PPM1H: variants seen among roughly 807,000 people sequenced by gnomAD.
The protein encoded by PPM1H is protein phosphatase 1H.
In PPM1H, 27 loss-of-function variants were observed where a neutral mutation model predicts 54.9. The ratio of observed to expected loss-of-function variants is 0.49; its 90% CI spans 0.36 to 0.68. The LOEUF is 0.68. PPM1H is among the 30% of genes least tolerant of loss of function. PPM1H has a pLI of 0.00. For synonymous variants in PPM1H, 305 were observed against 270.8 expected, an observed-to-expected ratio of 1.13 and a Z score of -1.24; for missense variants, 596 against 667.8, an observed-to-expected ratio of 0.89 and a Z score of 1.19.
At chr12:62,848,133 A>C (rs180941512) in intron 1 of PPM1H, among the ~76,000 whole-genome samples, 38 of 152,364 alleles carry the variant, frequency 2.5e-4, no homozygotes. Context: ...TTACATTTCT[A>C]AATTGCATAT....
chr12:62,839,769 C>T (rs1389615756), intron 1 of PPM1H, among the ~76,000 whole-genome samples: 1 of 151,440 alleles, frequency 6.6e-6, no homozygotes, highest in Non-Finnish European at 1.5e-5. Flanking sequence ...CACAAAATAC[C>T]ACTCATTGTT....
chr12:62,838,790 G>A (rs966843898), intron 1 of PPM1H, among the ~76,000 whole-genome samples: 1 of 132,194 alleles, frequency 7.6e-6, no homozygotes, highest in South Asian at 2.5e-4. Context: ...GCGTAGTGGC[G>A]GGCGCCTGTA....
In PPM1H at chr12:62,644,356, G is replaced by A. The variant is rs573726756; in HGVS notation, c.*4133C>T. The A allele has an allele frequency of 2.2e-4, 33 of 152,214 alleles. No homozygotes were observed. Among genetic ancestry groups the A allele is most frequent in the African/African-American group, 7.7e-4 (32 of 41,512 alleles). 9.4% of individuals were successfully genotyped at this position (152,214 alleles called of 1,614,324 possible). ...AACAGGAGTAAAATAATAACCTCAG[G>A]ACTCAGGAAACAAACACAAAATACT... On this transcript the variant is annotated 3_prime_UTR_variant, in exon 10 of 10. Coordinates refer to ENST00000228705, the MANE Select transcript of PPM1H (RefSeq NM_020700.2).
At chr12:62,866,720 C>A (rs771029808) in intron 1 of PPM1H, among the ~76,000 whole-genome samples, 1 of 152,062 alleles carries the variant, frequency 6.6e-6, no homozygotes, top group African/African-American at 2.4e-5. Context: ...CCAGATAAGC[C>A]GCTCCCAGAT....
At chr12:62,780,057 G>T (rs1183354378) in intron 4 of PPM1H, among the ~76,000 whole-genome samples, 3 of 152,166 alleles carry the variant, frequency 2.0e-5, no homozygotes, top group Admixed American at 6.5e-5. Context: ...TAGGATTAAT[G>T]AGGTTATTTA....
intron 1 of PPM1H, among the ~76,000 whole-genome samples, chr12:62,859,782 A>G (rs994682123): frequency 5.3e-5 from 8 of 152,184 alleles, no homozygotes; most frequent in Non-Finnish European, 1.0e-4. Flanking sequence ...CCTGCCTTGA[A>G]AAAACCTAAG....
At chr12:62,921,132 C>G (rs1871786029) in intron 1 of PPM1H, among the ~76,000 whole-genome samples, 1 of 152,080 alleles carries the variant, frequency 6.6e-6, no homozygotes, top group African/African-American at 2.4e-5. Context: ...GCCATGTTGG[C>G]CAGGCTGGTC....
At chr12:62,744,993 G>A (rs1340470589) in intron 4 of PPM1H, among the ~76,000 whole-genome samples, 2 of 152,132 alleles carry the variant, frequency 1.3e-5, no homozygotes, top group Admixed American at 6.5e-5. Flanking sequence ...GCCGTCCTAT[G>A]GGGAAAAATG....
At chr12:62,803,259 G>A (rs2076783189) in intron 2 of PPM1H, among the ~76,000 whole-genome samples, 1 of 152,122 alleles carries the variant, frequency 6.6e-6, no homozygotes, top group African/African-American at 2.4e-5. Context: ...TTTAGTGGCT[G>A]CTGGTGGATT....
At chr12:62,730,078 GAAC>G (rs928382074) in intron 5 of PPM1H, among the ~76,000 whole-genome samples, 3 of 152,120 alleles carry the variant, frequency 2.0e-5, no homozygotes, top group African/African-American at 4.8e-5. Context: ...GCCCGCCAGA[GAAC>G]AACCCCCCTT....
At chr12:62,771,087 C>CACACACACACAA (rs1322050931) in intron 4 of PPM1H, among the ~76,000 whole-genome samples, 1 of 134,040 alleles carries the variant, frequency 7.5e-6, no homozygotes, top group Non-Finnish European at 1.6e-5. Context: ...CACACACACA[C>CACACACACACAA]AACTGTGTTT....
chr12:62,699,440 C>T (rs1444556657), intron 6 of PPM1H, among the ~76,000 whole-genome samples: 5 of 152,222 alleles, frequency 3.3e-5, no homozygotes, highest in East Asian at 3.9e-4. Flanking sequence ...TCAGGTCATA[C>T]GCCTGCCTTG....
intron 1 of PPM1H, among the ~76,000 whole-genome samples, chr12:62,850,536 A>C (rs990900380): frequency 4.0e-5 from 6 of 151,510 alleles, no homozygotes; most frequent in African/African-American, 1.5e-4. Flanking sequence ...CAAAAATCTA[A>C]AGAGGAAAAC....
rs78008235 is a variant in PPM1H at position 62,726,842 on chromosome 12, G to A, written c.955-6553C>T. ...TGAGTCTTCAAAATGATTTTACTTT[G>A]GATTTACCATAAGCAATAAGCCCAA... is the stretch of plus-strand genomic sequence containing the variant. On this transcript the variant is annotated intron_variant, in intron 5 of 9. Coordinates refer to ENST00000228705, the MANE Select transcript of PPM1H (RefSeq NM_020700.2). Among the ~76,000 whole-genome samples, 1,455 of 152,224 alleles carry A rather than the reference G, an allele frequency of 9.6e-3. 13 individuals carry two copies. Among genetic ancestry groups the A allele is most frequent in the Middle Eastern group, 0.041 (12 of 294 alleles).
chr12:62,801,768 G>A (rs202036620), intron 3 of PPM1H, 48 bp downstream of exon 3: 103 of 1,593,370 alleles, frequency 6.5e-5, no homozygotes, highest in Non-Finnish European at 8.2e-5. Flanking sequence ...CAGACCTGGC[G>A]CAGGCGCCAG....
At chr12:62,676,043 T>C (rs1292057934) in intron 8 of PPM1H, among the ~76,000 whole-genome samples, 1 of 152,220 alleles carries the variant, frequency 6.6e-6, no homozygotes, top group Non-Finnish European at 1.5e-5. Flanking sequence ...CTGGGGTTTT[T>C]ACAGGCTTCA....
chr12:62,671,194 T>C (rs1016590164), intron 8 of PPM1H, among the ~76,000 whole-genome samples: 1 of 152,106 alleles, frequency 6.6e-6, no homozygotes, highest in Non-Finnish European at 1.5e-5. Context: ...ATCAAACTAA[T>C]GGGCTCTGAA....
chr12:62,908,838 A>G (rs902699905), intron 1 of PPM1H, among the ~76,000 whole-genome samples: 8 of 152,216 alleles, frequency 5.3e-5, no homozygotes, highest in African/African-American at 9.7e-5. Context: ...ATTTTCCCTT[A>G]TCTATTTAAT....
rs116885209 is a variant in PPM1H, at chr12:62,648,657, C to T, written c.1398-21G>A. 2,340 of 1,612,370 alleles carry T rather than the reference C, an allele frequency of 1.5e-3. 44 individuals carry two copies. In the East Asian group the frequency reaches 0.043, roughly 30 times the overall value. ...TGTACCTACACAGGAGAACCAGGAA[C>T]GAGACAGTCAGTAGAGCATCAGACA... On this transcript the variant is annotated intron_variant, in intron 9 of 9. Transcript: ENST00000228705.
Sources: gnomAD v4.1 joint callset for allele counts (sites outside exome capture counted in the v4.1 genomes callset) on GRCh38, gnomAD v4.1.1 for gene constraint, MANE v1.5 for transcripts, NCBI Gene and HGNC (gene_info 2026-07-23, HGNC 2026-07-21) for gene names.